Variants in TENM2 observed in about 807,000 individuals in gnomAD.
TENM2 encodes teneurin-2.
Under a neutral mutation model 245.2 loss-of-function variants are expected in TENM2, and 52 were observed. The observed-to-expected ratio is 0.21, with a 90% CI of 0.17 to 0.27. The LOEUF is 0.27. Among genes scored for constraint, TENM2 ranks in the 10% least tolerant of loss-of-function variants. The probability of loss-of-function intolerance (pLI) is 1.00; values close to 1 mark genes in which losing one functional copy is unlikely to be tolerated. For synonymous variants in TENM2, 1,363 were observed against 1,438.9 expected (o/e 0.95, Z 1.19); for missense variants, 3,046 against 3,666.8 (o/e 0.83, Z 4.37).
At chr5:167,717,873 A>T (rs1202789787) in intron 2 of TENM2, among the ~76,000 whole-genome samples, 1 of 152,246 alleles carries the variant, frequency 6.6e-6, no homozygotes, top group Non-Finnish European at 1.5e-5. Context: ...GGCAAGCAGA[A>T]CTTTGTCTAA....
chr5:167,369,924 T>C (rs1561900931), intron 1 of TENM2, among the ~76,000 whole-genome samples: 2 of 152,128 alleles, frequency 1.3e-5, no homozygotes, highest in East Asian at 1.9e-4. Flanking sequence ...TCAAAGTTGG[T>C]AAAAACTTAG....
intron 13 of TENM2, among the ~76,000 whole-genome samples, chr5:168,180,415 C>T (rs748597181): frequency 1.3e-5 from 2 of 152,242 alleles, no homozygotes; most frequent in Non-Finnish European, 2.9e-5. Context: ...AGATCCTCCC[C>T]TCCCACCTCC....
intron 2 of TENM2, among the ~76,000 whole-genome samples, chr5:167,631,521 C>T (rs190000276): frequency 6.6e-6 from 1 of 152,208 alleles, no homozygotes. Flanking sequence ...AGGCAGGGGC[C>T]AGCTTATGTA....
chr5:168,016,261 C>A (rs902112055), intron 5 of TENM2, among the ~76,000 whole-genome samples: 2 of 152,182 alleles, frequency 1.3e-5, no homozygotes, highest in Admixed American at 6.5e-5. Flanking sequence ...ATAGGAACTG[C>A]CCTAATGAAA....
intron 1 of TENM2, among the ~76,000 whole-genome samples, chr5:167,353,399 A>C (rs1041104831): frequency 4.6e-5 from 7 of 151,712 alleles, no homozygotes; most frequent in African/African-American, 1.5e-4. Flanking sequence ...AAAATACACA[A>C]ATTTTTACAT....
chr5:167,547,019 C>A (rs1368691225), intron 2 of TENM2, among the ~76,000 whole-genome samples: 9 of 152,174 alleles, frequency 5.9e-5, no homozygotes, highest in Admixed American at 2.0e-4. Flanking sequence ...CAGAGTTATT[C>A]CAGTGCGACT....
At position 168,226,789 on chromosome 5, in the gene TENM2, T is replaced by C. The variant is rs185016925; in HGVS notation, c.5284+526T>C. On this transcript the variant is annotated intron_variant, in intron 24 of 28. Coordinates refer to ENST00000518659, the Ensembl canonical transcript of TENM2. ...AAGGTCTCTGCCCACCCTGTGGTTA[T>C]TGTTGCTACTAGACATGTTTTGCAG... Among the ~76,000 whole-genome samples the C allele has an allele frequency of 1.3e-3, 201 of 152,282 alleles. 2 individuals are homozygous for C. Among genetic ancestry groups the C allele is most frequent in the African/African-American group, 4.6e-3 (191 of 41,534 alleles).
intron 2 of TENM2, among the ~76,000 whole-genome samples, chr5:167,558,636 G>A (rs1385144494): frequency 6.6e-6 from 1 of 152,202 alleles, no homozygotes; most frequent in Non-Finnish European, 1.5e-5. Flanking sequence ...CTGATGATCT[G>A]TCACTGTCTT....
intron 1 of TENM2, among the ~76,000 whole-genome samples, chr5:167,307,277 G>A (rs1166489895): frequency 2.0e-5 from 3 of 152,168 alleles, no homozygotes; most frequent in African/African-American, 4.8e-5. Context: ...GGAAGGCACG[G>A]GTGAGCGATT....
chr5:167,500,481 A>C (rs895163954), intron 2 of TENM2, among the ~76,000 whole-genome samples: 1 of 152,164 alleles, frequency 6.6e-6, no homozygotes, highest in Non-Finnish European at 1.5e-5. Flanking sequence ...ATATCTCAAA[A>C]TTTTTAAAAA....
the TENM2 span, among the ~76,000 whole-genome samples, chr5:167,200,111 G>A: frequency 2.7e-4 from 41 of 151,964 alleles, no homozygotes; most frequent in Non-Finnish European, 2.9e-5. Flanking sequence ...GAATGTCCTC[G>A]CTGATTCAAA....
the TENM2 span, among the ~76,000 whole-genome samples, chr5:167,194,689 C>T: frequency 5.3e-5 from 8 of 151,806 alleles, no homozygotes; most frequent in Admixed American, 5.3e-4. Flanking sequence ...CTGGACAAAC[C>T]CATTTTAGCA....
At chr5:167,985,352 TA>T (rs1783162538) in intron 4 of TENM2, among the ~76,000 whole-genome samples, 1 of 152,228 alleles carries the variant, frequency 6.6e-6, no homozygotes, top group African/African-American at 2.4e-5. Flanking sequence ...TGAGTTTATT[TA>T]CTGGGGAGGT....
the TENM2 span, among the ~76,000 whole-genome samples, chr5:167,271,845 A>C: frequency 6.6e-6 from 1 of 152,096 alleles, no homozygotes; most frequent in Admixed American, 6.6e-5. Context: ...TTATCCCCAG[A>C]CATGTCAGTA....
intron 2 of TENM2, among the ~76,000 whole-genome samples, chr5:167,854,356 G>T (rs575565421): frequency 1.3e-5 from 2 of 152,274 alleles, no homozygotes; most frequent in South Asian, 2.1e-4. Flanking sequence ...GGAAAAAAAG[G>T]CTTATTTTTT....
chr5:167,319,170 T>C (rs1308711297), intron 1 of TENM2, among the ~76,000 whole-genome samples: 1 of 152,230 alleles, frequency 6.6e-6, no homozygotes, highest in Non-Finnish European at 1.5e-5. Flanking sequence ...GAATATTATT[T>C]GTTTCACTGT....
Position 167,939,110 on chromosome 5 carries a change from G to A in TENM2, c.713-13478G>A, listed in dbSNP as rs190492763. 1.6e-3 allele frequency among the ~76,000 whole-genome samples: 240 copies of A among 152,214 alleles called. 3 individuals are homozygous for A. The highest frequency in any genetic ancestry group is 5.4e-3 in the African/African-American group (224 of 41,508). Reference sequence around the variant, plus strand: ...AAGACTTTCTCAAGTGACTCCCTGCGCATGGCTTTTCTAGGCTCTATACAA... The same window carrying A: ...AAGACTTTCTCAAGTGACTCCCTGCACATGGCTTTTCTAGGCTCTATACAA... On this transcript the variant is annotated intron_variant, in intron 3 of 28. Coordinates refer to ENST00000518659, the Ensembl canonical transcript of TENM2.
At chr5:167,763,639 G>T (rs1345796426) in intron 2 of TENM2, among the ~76,000 whole-genome samples, 2 of 152,150 alleles carry the variant, frequency 1.3e-5, no homozygotes, top group Non-Finnish European at 2.9e-5. Context: ...AATCTGGGGA[G>T]AGTTTGCTAA....
chr5:167,980,077 G>A (rs557058052), intron 4 of TENM2, among the ~76,000 whole-genome samples: 37 of 152,280 alleles, frequency 2.4e-4, no homozygotes, highest in Middle Eastern at 3.4e-3. Context: ...CCTGGGCTGG[G>A]CATTCTTCCA....
Sources: gnomAD v4.1 joint callset for allele counts (sites outside exome capture counted in the v4.1 genomes callset) on GRCh38, gnomAD v4.1.1 for gene constraint, MANE v1.5 for transcripts, NCBI Gene and HGNC (gene_info 2026-07-23, HGNC 2026-07-21) for gene names.